Variants in GRIK2 observed in about 807,000 individuals in gnomAD.
The protein encoded by GRIK2 is glutamate ionotropic receptor kainate type subunit 2.
Under a neutral mutation model 100.3 loss-of-function variants are expected in GRIK2, and 32 were observed. That is an observed-to-expected ratio of 0.32 (90% CI 0.24 to 0.43). The LOEUF (loss-of-function observed/expected upper bound fraction) is 0.43, where lower values mean the gene tolerates loss of function less well. Ranked by LOEUF, GRIK2 falls within the 20% of genes least tolerant of loss-of-function variation. GRIK2 has a pLI of 1.00. For missense variants in GRIK2, 843 were observed against 1,114.9 expected, an observed-to-expected ratio of 0.76 and a Z score of 3.47; for synonymous variants, 417 against 389.4, an observed-to-expected ratio of 1.07 and a Z score of -0.83.
intron 7 of GRIK2, among the ~76,000 whole-genome samples, chr6:101,691,750 A>G (rs959044272): frequency 1.3e-5 from 2 of 152,110 alleles, no homozygotes; most frequent in African/African-American, 4.8e-5. Context: ...CTTTATAATA[A>G]CAGACCACAG....
intron 2 of GRIK2, among the ~76,000 whole-genome samples, chr6:101,606,952 G>A (rs1779462739): frequency 6.6e-6 from 1 of 151,890 alleles, no homozygotes; most frequent in South Asian, 2.1e-4. Flanking sequence ...GTCACAAACA[G>A]GTATGTGAGA....
chr6:102,019,175 A>AGAGT (rs1769293711), intron 14 of GRIK2, among the ~76,000 whole-genome samples: 1 of 152,058 alleles, frequency 6.6e-6, no homozygotes, highest in African/African-American at 2.4e-5. Flanking sequence ...ATTTAAGGCT[A>AGAGT]GAGTCAGTCA....
In GRIK2 at chr6:102,053,403, G is replaced by C. The variant is rs1463053790; in HGVS notation, c.2312-1927G>C. Among the ~76,000 whole-genome samples, 2 of 152,008 alleles carry C rather than the reference G, an allele frequency of 1.3e-5. 1 individual carries two copies. The highest frequency in any genetic ancestry group is 2.9e-5 in the Non-Finnish European group (2 of 68,006). On this transcript the variant is annotated intron_variant, in intron 15 of 16. Coordinates refer to ENST00000369134, the MANE Select transcript of GRIK2 (RefSeq NM_021956.5). The stretch of plus-strand genomic sequence containing the variant: ...GTCAAGCAAAATGACCTTAGTTTAT[G>C]GTGTTTTATTACATATCACAGAGAC...
chr6:101,749,601 A>G (rs1469483767), intron 7 of GRIK2, among the ~76,000 whole-genome samples: 1 of 152,060 alleles, frequency 6.6e-6, no homozygotes, highest in African/African-American at 2.4e-5. Context: ...GGGTTAAAAA[A>G]TGGACATTTT....
At chr6:101,545,246 G>T (rs971841623) in intron 2 of GRIK2, among the ~76,000 whole-genome samples, 47 of 152,128 alleles carry the variant, frequency 3.1e-4, no homozygotes, top group African/African-American at 1.1e-3. Context: ...GTAGATGAGT[G>T]CTTCTGTTAT....
At chr6:101,542,929 G>A (rs1376641667) in intron 2 of GRIK2, among the ~76,000 whole-genome samples, 1 of 152,088 alleles carries the variant, frequency 6.6e-6, no homozygotes, top group Non-Finnish European at 1.5e-5. Flanking sequence ...AGGAGGGTAA[G>A]AAAGTACCCT....
chr6:101,672,915 T>A (rs899475081), intron 4 of GRIK2, among the ~76,000 whole-genome samples: 1 of 152,204 alleles, frequency 6.6e-6, no homozygotes, highest in Non-Finnish European at 1.5e-5. Flanking sequence ...GGTAGAGTTA[T>A]ATTCCTTTGG....
intron 2 of GRIK2, among the ~76,000 whole-genome samples, chr6:101,549,346 G>C (rs1776400723): frequency 6.6e-6 from 1 of 151,814 alleles, no homozygotes. Flanking sequence ...GGTGGGAGGA[G>C]AAGGCTTGGC....
intron 2 of GRIK2, among the ~76,000 whole-genome samples, chr6:101,579,554 T>C (rs1362636883): frequency 6.6e-6 from 1 of 151,948 alleles, no homozygotes; most frequent in Non-Finnish European, 1.5e-5. Context: ...TTTCTAACAG[T>C]TTAAAAGATA....
chr6:101,829,226 T>A (rs1371931176), intron 10 of GRIK2, among the ~76,000 whole-genome samples: 3 of 151,572 alleles, frequency 2.0e-5, no homozygotes, highest in African/African-American at 7.3e-5. Flanking sequence ...ATAATAAAAA[T>A]CCTCAACAAA....
chr6:101,467,973 G>C (rs1582516646), intron 2 of GRIK2, among the ~76,000 whole-genome samples: 2 of 150,632 alleles, frequency 1.3e-5, no homozygotes, highest in South Asian at 4.2e-4. Context: ...GTGTCTCTCA[G>C]GGCACGAGAA....
intron 10 of GRIK2, among the ~76,000 whole-genome samples, chr6:101,830,361 C>G (rs1782600023): frequency 6.6e-6 from 1 of 151,710 alleles, no homozygotes; most frequent in Non-Finnish European, 1.5e-5. Context: ...TAGACATTGG[C>G]CAAAAATTTA....
intron 10 of GRIK2, among the ~76,000 whole-genome samples, chr6:101,825,090 G>C (rs1455615416): frequency 2.0e-5 from 3 of 152,088 alleles, no homozygotes; most frequent in African/African-American, 4.8e-5. Flanking sequence ...CATAGCATTT[G>C]GGCTTGGAAA....
At chr6:101,789,287 T>C (rs539525024) in intron 7 of GRIK2, among the ~76,000 whole-genome samples, 2 of 152,318 alleles carry the variant, frequency 1.3e-5, no homozygotes, top group East Asian at 3.9e-4. Flanking sequence ...TGCCCATGCC[T>C]ATGTCCTGAA....
intron 2 of GRIK2, among the ~76,000 whole-genome samples, chr6:101,595,253 G>T (rs1778862591): frequency 1.3e-5 from 2 of 151,688 alleles, no homozygotes; most frequent in South Asian, 4.1e-4. Context: ...AGAAGGAGGG[G>T]AGTGATGTAC....
intron 4 of GRIK2, among the ~76,000 whole-genome samples, chr6:101,642,560 A>G (rs985539000): frequency 4.0e-5 from 6 of 151,746 alleles, no homozygotes. Context: ...GCTGTGTTGT[A>G]AAGTGTCGAA....
chr6:101,934,979 GTT>G (rs1790527030), intron 14 of GRIK2, among the ~76,000 whole-genome samples: 1 of 151,874 alleles, frequency 6.6e-6, no homozygotes, highest in African/African-American at 2.4e-5. Context: ...GATATGTTTG[GTT>G]TTAGAGCTTA....
chr6:101,855,389 A>C (rs759892187), intron 10 of GRIK2, among the ~76,000 whole-genome samples: 2 of 152,218 alleles, frequency 1.3e-5, no homozygotes, highest in Non-Finnish European at 2.9e-5. Flanking sequence ...AAAACAAAGC[A>C]GGGTAGAATA....
At chr6:101,851,869 A>G in intron 10 of GRIK2, among the ~76,000 whole-genome samples, 1 of 150,854 alleles carries the variant, frequency 6.6e-6, no homozygotes. Context: ...GGTCAGTAAG[A>G]ATTATTTAAT....
Sources: gnomAD v4.1 joint callset for allele counts (sites outside exome capture counted in the v4.1 genomes callset) on GRCh38, gnomAD v4.1.1 for gene constraint, MANE v1.5 for transcripts, NCBI Gene and HGNC (gene_info 2026-07-23, HGNC 2026-07-21) for gene names.